Variants in SPOCK3 observed in about 807,000 individuals in gnomAD.
The protein encoded by SPOCK3 is testican-3.
In SPOCK3, 30 loss-of-function variants were observed where a neutral mutation model predicts 56.6. That is an observed-to-expected ratio of 0.53 (90% CI 0.40 to 0.72). The LOEUF (loss-of-function observed/expected upper bound fraction) is 0.72, where lower values mean the gene tolerates loss of function less well. SPOCK3 is among the 30% of genes least tolerant of loss of function. The pLI is 0.00. For missense variants in SPOCK3, 527 were observed against 530.0 expected (o/e 0.99, Z 0.06); for synonymous variants, 196 against 183.3 (o/e 1.07, Z -0.56).
At position 167,233,966 on chromosome 4, in the gene SPOCK3, G is replaced by A. The variant is rs1337056550; in HGVS notation, c.189+19C>T. 2 of 1,606,784 alleles carry A rather than the reference G, an allele frequency of 1.2e-6. No homozygotes were observed. The highest frequency in any genetic ancestry group is 1.3e-5 in the African/African-American group (1 of 74,910). On this transcript the variant is annotated intron_variant, in intron 2 of 10. Transcript: ENST00000357545. ...GCAGCGCGCGCGTGTGCCCGGGGAT[G>A]TGGGTGCGCGGAACTTACGTCTCGG...
chr4:167,127,710 G>A (rs770060731), intron 2 of SPOCK3, among the ~76,000 whole-genome samples: 7 of 152,142 alleles, frequency 4.6e-5, no homozygotes, highest in Non-Finnish European at 1.0e-4. Flanking sequence ...TTACAGGCGT[G>A]AGCCACCATG....
At chr4:166,813,924 G>A (rs1425464219) in intron 6 of SPOCK3, among the ~76,000 whole-genome samples, 2 of 152,006 alleles carry the variant, frequency 1.3e-5, no homozygotes, top group Non-Finnish European at 2.9e-5. Context: ...CCCTATCAGA[G>A]CAACTTGAAT....
chr4:167,160,528 T>C (rs903718803), intron 2 of SPOCK3, among the ~76,000 whole-genome samples: 7 of 151,938 alleles, frequency 4.6e-5, no homozygotes, highest in African/African-American at 1.5e-4. Context: ...CTTCACAGAA[T>C]TGGAAAAAAC....
At chr4:167,222,892 T>C (rs1272596021) in intron 2 of SPOCK3, among the ~76,000 whole-genome samples, 2 of 127,976 alleles carry the variant, frequency 1.6e-5, no homozygotes, top group Non-Finnish European at 3.1e-5. Context: ...TATATGAATA[T>C]ATAAATATAT....
chr4:166,850,437 G>A (rs1332912967), intron 6 of SPOCK3, among the ~76,000 whole-genome samples: 1 of 152,196 alleles, frequency 6.6e-6, no homozygotes, highest in African/African-American at 2.4e-5. Flanking sequence ...TGAATGTGAT[G>A]CTAAGAAATT....
At chr4:166,769,945 CTAGT>C (rs1738701332) in intron 7 of SPOCK3, among the ~76,000 whole-genome samples, 1 of 152,132 alleles carries the variant, frequency 6.6e-6, no homozygotes, top group African/African-American at 2.4e-5. Context: ...GACAGCTGTG[CTAGT>C]AACGAGTGAG....
intron 2 of SPOCK3, among the ~76,000 whole-genome samples, chr4:167,163,679 T>A (rs1037669594): frequency 1.3e-5 from 2 of 151,672 alleles, no homozygotes; most frequent in African/African-American, 4.8e-5. Flanking sequence ...ATTAAGAACA[T>A]GTGAAGCTTA....
intron 9 of SPOCK3, 35 bp downstream of exon 9, chr4:166,741,962 C>A (rs1305758300): frequency 6.9e-7 from 1 of 1,445,404 alleles, no homozygotes; most frequent in East Asian, 2.3e-5. Flanking sequence ...TTTATGTAAG[C>A]AATAAAGCCT....
intron 4 of SPOCK3, among the ~76,000 whole-genome samples, chr4:166,987,578 T>A (rs1747308647): frequency 6.6e-6 from 1 of 152,190 alleles, no homozygotes; most frequent in Admixed American, 6.6e-5. Flanking sequence ...ATGATCAATA[T>A]GTGTGTTCAA....
chr4:166,911,177 A>G (rs1198782821), intron 5 of SPOCK3, among the ~76,000 whole-genome samples: 1 of 152,170 alleles, frequency 6.6e-6, no homozygotes, highest in East Asian at 1.9e-4. Flanking sequence ...TTCTATATAC[A>G]TCTATAAAAG....
At chr4:167,147,805 G>A (rs1025007727) in intron 2 of SPOCK3, among the ~76,000 whole-genome samples, 5 of 152,028 alleles carry the variant, frequency 3.3e-5, no homozygotes, top group African/African-American at 4.8e-5. Context: ...ACCAGGGCCC[G>A]TCCGGAGGGT....
intron 6 of SPOCK3, among the ~76,000 whole-genome samples, chr4:166,868,026 C>G (rs1732035418): frequency 1.3e-5 from 2 of 151,866 alleles, no homozygotes; most frequent in African/African-American, 4.8e-5. Context: ...AGAATTTAAA[C>G]TTCTTTATTT....
chr4:167,124,644 T>C (rs1406729003), intron 2 of SPOCK3, among the ~76,000 whole-genome samples: 1 of 146,320 alleles, frequency 6.8e-6, no homozygotes, highest in South Asian at 2.2e-4. Context: ...AAGTTTGCCT[T>C]ATCTTTTTTT....
At chr4:167,219,296 T>G (rs1223295615) in intron 2 of SPOCK3, among the ~76,000 whole-genome samples, 1 of 152,174 alleles carries the variant, frequency 6.6e-6, no homozygotes, top group Non-Finnish European at 1.5e-5. Flanking sequence ...CTAAAACCGA[T>G]TCTCAGCAGA....
At chr4:166,888,823 T>TA (rs138571948) in intron 6 of SPOCK3, among the ~76,000 whole-genome samples, 11,729 of 151,944 alleles carry the variant, frequency 0.077, 535 homozygotes, top group Non-Finnish European at 0.1. Context: ...AAGAAAAAAA[T>TA]GATATAAAAC....
rs141024359 is a variant in SPOCK3, at chr4:166,775,625, T to C, written c.709+16545A>G. The stretch of plus-strand genomic sequence containing the variant: ...AAATCTTAAAGGTAATGATTACAGC[T>C]AGAAGAAAAAGTATCAAGTCTTTGG... On this transcript the variant is annotated intron_variant, in intron 7 of 10. Transcript: ENST00000357545. Among the ~76,000 whole-genome samples, 534 of 152,244 alleles carry C rather than the reference T, an allele frequency of 3.5e-3. 8 individuals carry two copies. Among genetic ancestry groups the C allele is most frequent in the African/African-American group, 0.01 (422 of 41,544 alleles).
intron 5 of SPOCK3, 35 bp from the exon 6 acceptor site, chr4:166,889,279 G>A (rs757454887): frequency 4.5e-6 from 6 of 1,330,596 alleles, no homozygotes; most frequent in South Asian, 2.4e-5. Context: ...TAATTCAAAT[G>A]CTTTAGTTAT....
At chr4:166,772,097 T>G (rs1032859538) in intron 7 of SPOCK3, among the ~76,000 whole-genome samples, 5 of 152,044 alleles carry the variant, frequency 3.3e-5, no homozygotes, top group Admixed American at 1.3e-4. Flanking sequence ...TCATTTTATT[T>G]TATAGTCAGT....
intron 4 of SPOCK3, among the ~76,000 whole-genome samples, chr4:166,959,905 C>T (rs1374032189): frequency 6.6e-6 from 1 of 151,830 alleles, no homozygotes; most frequent in African/African-American, 2.4e-5. Context: ...AAAATTTTTC[C>T]ATTTCCTCTT....
Sources: gnomAD v4.1 joint callset for allele counts (sites outside exome capture counted in the v4.1 genomes callset) on GRCh38, gnomAD v4.1.1 for gene constraint, MANE v1.5 for transcripts, NCBI Gene and HGNC (gene_info 2026-07-23, HGNC 2026-07-21) for gene names.